CSMD2: variants seen among roughly 807,000 people sequenced by gnomAD.
The protein encoded by CSMD2 is CUB and sushi domain-containing protein 2.
A neutral mutation model predicts 398.5 loss-of-function variants in CSMD2; 130 were observed. The ratio of observed to expected loss-of-function variants is 0.33; its 90% CI spans 0.28 to 0.38. The LOEUF (loss-of-function observed/expected upper bound fraction) is 0.38. Among genes scored for constraint, CSMD2 ranks in the 10% least tolerant of loss-of-function variants. CSMD2 has a pLI of 1.00. For missense variants in CSMD2, 3,829 were observed against 4,764.9 expected (o/e 0.80, Z 5.78); for synonymous variants, 1,828 against 1,908.5 (o/e 0.96, Z 1.10).
chr1:33,688,562 C>T (rs74407927), intron 25 of CSMD2, among the ~76,000 whole-genome samples: 39 of 152,304 alleles, frequency 2.6e-4, no homozygotes, highest in African/African-American at 9.4e-4. Flanking sequence ...CAGTGGCTCA[C>T]ACCTGTAATC....
At chr1:33,982,169 A>G (rs1339061379) in intron 3 of CSMD2, among the ~76,000 whole-genome samples, 1 of 152,130 alleles carries the variant, frequency 6.6e-6, no homozygotes, top group Non-Finnish European at 1.5e-5. Flanking sequence ...TGATGGAGAG[A>G]TCAGTGGCCA....
intron 3 of CSMD2, among the ~76,000 whole-genome samples, chr1:33,949,476 C>T (rs1348488188): frequency 2.0e-5 from 3 of 152,304 alleles, no homozygotes; most frequent in Non-Finnish European, 4.4e-5. Flanking sequence ...AAAGACCTCC[C>T]GTACAGCCTA....
chr1:33,747,145 A>G (rs1647495836), intron 13 of CSMD2, among the ~76,000 whole-genome samples: 1 of 152,250 alleles, frequency 6.6e-6, no homozygotes, highest in Admixed American at 6.5e-5. Flanking sequence ...TTTAAACAAC[A>G]AACTCAAGTA....
chr1:33,712,379 C>T (rs1235335791), intron 21 of CSMD2, among the ~76,000 whole-genome samples: 2 of 152,172 alleles, frequency 1.3e-5, no homozygotes, highest in Admixed American at 6.5e-5. Context: ...ATCTCCTTCT[C>T]GGCTGGAAAT....
At chr1:33,802,563 G>A (rs1007537276) in intron 10 of CSMD2, among the ~76,000 whole-genome samples, 2 of 152,168 alleles carry the variant, frequency 1.3e-5, no homozygotes, top group African/African-American at 2.4e-5. Flanking sequence ...GGTAGCAGAG[G>A]TCCTACAAGG....
At chr1:33,681,720 C>T (rs1454039651) in intron 25 of CSMD2, among the ~76,000 whole-genome samples, 1 of 152,166 alleles carries the variant, frequency 6.6e-6, no homozygotes, top group African/African-American at 2.4e-5. Context: ...AATCCCAGCA[C>T]TTTGGGAGGC....
chr1:33,521,455 C>G lies in CSMD2; in HGVS notation c.10597+8G>C, dbSNP rs1216376180. On this transcript the variant is annotated splice_region_variant and intron_variant, in intron 68 of 70. Transcript: ENST00000373381. Reference sequence around the variant, plus strand: ...GGCCCACACTTCCGGGGGACAAGCACTAGTTACCCAGTCTTTGAAAGCCGA... The same window carrying G: ...GGCCCACACTTCCGGGGGACAAGCAGTAGTTACCCAGTCTTTGAAAGCCGA... 1 of 1,553,062 alleles carries G rather than the reference C, an allele frequency of 6.4e-7. No individual in the cohort carries two copies. The highest frequency in any genetic ancestry group is 1.4e-5 in the African/African-American group (1 of 73,638).
chr1:33,847,275 A>G (rs1439040620), intron 5 of CSMD2, among the ~76,000 whole-genome samples: 2 of 151,732 alleles, frequency 1.3e-5, no homozygotes, highest in Non-Finnish European at 2.9e-5. Flanking sequence ...AAATTCCCTA[A>G]GCATTCCATC....
At chr1:33,780,429 A>G (rs999814448) in intron 12 of CSMD2, among the ~76,000 whole-genome samples, 2 of 152,160 alleles carry the variant, frequency 1.3e-5, no homozygotes, top group East Asian at 3.9e-4. Flanking sequence ...GATTGCCACA[A>G]GTGGAATGGA....
chr1:33,521,478 C>G lies in CSMD2; in HGVS notation c.10582G>C (p.Gly3528Arg), dbSNP rs746146936. ...SVKGQGFGQF[G>R]FQRLDLRLLE... ...CACTAGTTACCCAGTCTTTGAAAGC[C>G]GAACTGCCCAAAGCCTTGGCCCTTG... The change falls in exon 68 of 71, where the codon GGC (glycine) becomes CGC (arginine). Residue 3528 changes from glycine to arginine, a missense_variant. Around this residue, in one of 5 missense-constraint regions of CSMD2, gnomAD observed 917 missense variants for 1,199.5 expected, o/e 0.76. Coordinates refer to ENST00000373381, the MANE Select transcript of CSMD2 (RefSeq NM_001281956.2). The G allele has an allele frequency of 6.2e-7, 1 of 1,612,098 alleles. No individual in the cohort carries two copies. The highest frequency in any genetic ancestry group is 1.1e-5 in the South Asian group (1 of 91,040).
intron 3 of CSMD2, among the ~76,000 whole-genome samples, chr1:34,030,797 C>T (rs934899032): frequency 1.4e-4 from 22 of 152,286 alleles, no homozygotes; most frequent in African/African-American, 4.6e-4. Flanking sequence ...GCCTAGGGCC[C>T]GGCCAGTTCC....
upstream of CSMD2, chr1:34,165,358 G>A (rs1641794622): frequency 8.1e-7 from 1 of 1,237,840 alleles, no homozygotes; most frequent in Non-Finnish European, 1.0e-6. Context: ...TAATCACTCC[G>A]GAGCCGCTTC....
At chr1:33,910,883 C>T (rs1399958338) in intron 5 of CSMD2, among the ~76,000 whole-genome samples, 1 of 152,224 alleles carries the variant, frequency 6.6e-6, no homozygotes, top group Non-Finnish European at 1.5e-5. Flanking sequence ...GAGGCCAGCA[C>T]ATTCCCTTTG....
chr1:33,697,289 T>C (rs749605680), intron 24 of CSMD2, among the ~76,000 whole-genome samples: 5 of 152,204 alleles, frequency 3.3e-5, no homozygotes, highest in Non-Finnish European at 7.3e-5. Flanking sequence ...GCCTGAGATC[T>C]GCTCTTCTCT....
At chr1:33,590,341 T>C (rs1021584314) in intron 44 of CSMD2, among the ~76,000 whole-genome samples, 1 of 146,162 alleles carries the variant, frequency 6.8e-6, no homozygotes, top group African/African-American at 2.6e-5. Context: ...TTTCAAGATA[T>C]TGCTCAGGCT....
intron 3 of CSMD2, among the ~76,000 whole-genome samples, chr1:33,958,902 G>A (rs1645256578): frequency 6.6e-6 from 1 of 152,222 alleles, no homozygotes; most frequent in Non-Finnish European, 1.5e-5. Context: ...AGCTGAAACA[G>A]TTAGTGTTTA....
chr1:33,826,724 T>C (rs1658867101), intron 6 of CSMD2, among the ~76,000 whole-genome samples: 1 of 152,182 alleles, frequency 6.6e-6, no homozygotes, highest in Non-Finnish European at 1.5e-5. Flanking sequence ...CATTCCTCTG[T>C]ACCCATCAGC....
In CSMD2 at chr1:33,642,128, C is replaced by G. The variant is rs1411244917; in HGVS notation, c.4774+4520G>C. On this transcript the variant is annotated intron_variant, in intron 29 of 70. Transcript: ENST00000373381. The stretch of plus-strand genomic sequence containing the variant: ...TTGGGAGGCCAAGGTGGGTGGATCA[C>G]TGGAGGTCAGGAGTTCAAAACCAGC... Among the ~76,000 whole-genome samples the G allele has an allele frequency of 3.9e-5, 6 of 152,134 alleles. No individual in the cohort carries two copies. In the East Asian group the frequency reaches 1.2e-3, roughly 29 times the overall value.
chr1:33,857,956 C>A (rs1639219851), intron 5 of CSMD2, among the ~76,000 whole-genome samples: 2 of 152,136 alleles, frequency 1.3e-5, no homozygotes, highest in Non-Finnish European at 2.9e-5. Flanking sequence ...AGTTATCAAC[C>A]CAGAGTTGGT....
Sources: gnomAD v4.1 joint callset for allele counts (sites outside exome capture counted in the v4.1 genomes callset) on GRCh38, gnomAD v4.1.1 for gene constraint, gnomAD v4.1.1 regional missense constraint, MANE v1.5 for transcripts, NCBI Gene and HGNC (gene_info 2026-07-23, HGNC 2026-07-21) for gene names.